AKAP6: variants seen among roughly 807,000 people sequenced by gnomAD.
AKAP6 encodes the protein A-kinase anchoring protein 6, also known as A-kinase anchor protein 6.
AKAP6 carries 58 observed loss-of-function variants against 188.5 expected under a neutral mutation model. The ratio of observed to expected loss-of-function variants is 0.31; its 90% confidence interval spans 0.25 to 0.38. The LOEUF (loss-of-function observed/expected upper bound fraction) is 0.38, where lower values mean the gene tolerates loss of function less well. Among genes scored for constraint, AKAP6 ranks in the 10% least tolerant of loss-of-function variants. AKAP6 has a pLI of 1.00. For synonymous variants in AKAP6, 989 were observed against 998.6 expected (o/e 0.99, Z 0.18); for missense variants, 2,710 against 2,740.0 (o/e 0.99, Z 0.24).
chr14:32,769,961 G>A lies in AKAP6; in HGVS notation c.3373-3717G>A, dbSNP rs1399162854. Among the ~76,000 whole-genome samples, 4 of 152,078 alleles carry A rather than the reference G, an allele frequency of 2.6e-5. No individual in the cohort carries two copies. In the East Asian group the frequency reaches 5.8e-4, roughly 22 times the overall value. On this transcript the variant is annotated intron_variant, in intron 11 of 13. Transcript: ENST00000280979. ...TATATGCACATATTTGATATATAAT[G>A]AAGACTAAATACCAGTATTGAAAGT...
chr14:32,421,100 T>C (rs1488662164), intron 1 of AKAP6, among the ~76,000 whole-genome samples: 7 of 152,176 alleles, frequency 4.6e-5, no homozygotes. Context: ...ATCTGATTTA[T>C]CATCCTTTGT....
chr14:32,381,343 TA>T (rs565596578), intron 1 of AKAP6, among the ~76,000 whole-genome samples: 153 of 145,822 alleles, frequency 1.0e-3, no homozygotes, highest in Middle Eastern at 3.5e-3. Flanking sequence ...CCATCTCAAA[TA>T]AAAAAAAAAA....
At chr14:32,741,152 T>C (rs2031657496) in intron 11 of AKAP6, among the ~76,000 whole-genome samples, 1 of 151,946 alleles carries the variant, frequency 6.6e-6, no homozygotes, top group African/African-American at 2.4e-5. Flanking sequence ...ATGGTATCAC[T>C]TTTATTAATC....
chr14:32,791,574 T>C (rs1222702957), intron 12 of AKAP6, among the ~76,000 whole-genome samples: 1 of 152,172 alleles, frequency 6.6e-6, no homozygotes, highest in East Asian at 1.9e-4. Context: ...GTAGGTTGCC[T>C]GTTCACTCTG....
intron 8 of AKAP6, among the ~76,000 whole-genome samples, chr14:32,685,528 T>C (rs965539873): frequency 7.9e-5 from 12 of 151,534 alleles, no homozygotes; most frequent in Non-Finnish European, 1.6e-4. Context: ...ATCGAGACCA[T>C]CCTGGCCAAC....
intron 9 of AKAP6, among the ~76,000 whole-genome samples, chr14:32,708,544 A>G (rs1890908458): frequency 6.6e-6 from 1 of 152,090 alleles, no homozygotes; most frequent in Admixed American, 6.6e-5. Flanking sequence ...GAGGGCTGAA[A>G]CACTTTTGAA....
At chr14:32,534,941 T>A (rs1392830202) in intron 2 of AKAP6, among the ~76,000 whole-genome samples, 1 of 142,176 alleles carries the variant, frequency 7.0e-6, no homozygotes, top group Admixed American at 7.5e-5. Context: ...TTCCAGCCTA[T>A]GTGACAAGAG....
At position 32,345,453 on chromosome 14, in the gene AKAP6, C is replaced by G. The variant is rs7149448; in HGVS notation, c.-35+16045C>G. On this transcript the variant is annotated intron_variant, in intron 1 of 13. Transcript: ENST00000280979. ...CTTTAGGCTGTCAGCTGTGATGTAG[C>G]CAGTAGCATCTGAGCTTGAATTATC... 0.019 allele frequency among the ~76,000 whole-genome samples: 2,952 copies of G among 152,280 alleles called. 302 individuals carry two copies. The East Asian group carries it at 0.33, about 17-fold the overall frequency.
At chr14:32,486,740 T>C (rs1012619804) in intron 2 of AKAP6, among the ~76,000 whole-genome samples, 1 of 152,202 alleles carries the variant, frequency 6.6e-6, no homozygotes, top group Non-Finnish European at 1.5e-5. Context: ...GTTTTCTAAA[T>C]ATACAAACAT....
intron 4 of AKAP6, among the ~76,000 whole-genome samples, chr14:32,559,016 A>G (rs1883812394): frequency 6.6e-6 from 1 of 152,228 alleles, no homozygotes; most frequent in South Asian, 2.1e-4. Context: ...TGTTAGAGGA[A>G]GGTGAATGTG....
intron 5 of AKAP6, among the ~76,000 whole-genome samples, chr14:32,593,994 T>C (rs549262297): frequency 3.9e-5 from 6 of 152,326 alleles, no homozygotes; most frequent in South Asian, 2.1e-4. Context: ...CAAAGTACCA[T>C]CTATTACGTA....
chr14:32,644,752 C>T (rs1166815745), intron 7 of AKAP6, among the ~76,000 whole-genome samples: 5 of 152,036 alleles, frequency 3.3e-5, no homozygotes. Context: ...ACTGAAATGT[C>T]TGCATTTCTC....
intron 2 of AKAP6, among the ~76,000 whole-genome samples, chr14:32,500,509 A>G (rs1880557459): frequency 1.3e-5 from 2 of 152,146 alleles, no homozygotes; most frequent in South Asian, 4.1e-4. Flanking sequence ...AGGAGGGCAC[A>G]CTTACTATAT....
chr14:32,759,498 T>C (rs2032463387), intron 11 of AKAP6, among the ~76,000 whole-genome samples: 1 of 152,180 alleles, frequency 6.6e-6, no homozygotes, highest in Admixed American at 6.5e-5. Context: ...AAAGAGCCAA[T>C]GAGTGTCTGT....
Position 32,436,521 on chromosome 14 carries a change from G to A in AKAP6, c.324+2704G>A, listed in dbSNP as rs142160559. ...CTCTCTTCTCTCCAACACTACTGCTGCCATCCTAGTCAAGCCACATCACTG... is the reference window on the plus strand; with the variant it reads ...CTCTCTTCTCTCCAACACTACTGCTACCATCCTAGTCAAGCCACATCACTG... On this transcript the variant is annotated intron_variant, in intron 2 of 13. Coordinates refer to ENST00000280979, the MANE Select transcript of AKAP6 (RefSeq NM_004274.5). 1.7e-3 allele frequency among the ~76,000 whole-genome samples: 253 copies of A among 152,274 alleles called. 1 individual carries two copies. The highest frequency in any genetic ancestry group is 5.9e-3 in the African/African-American group (244 of 41,548).
At chr14:32,567,824 C>G (rs973732295) in intron 4 of AKAP6, among the ~76,000 whole-genome samples, 2 of 152,074 alleles carry the variant, frequency 1.3e-5, no homozygotes, top group Admixed American at 1.3e-4. Context: ...GCCCTTTTCA[C>G]TAAAACTTTA....
chr14:32,546,179 G>A lies in AKAP6; in HGVS notation c.1526G>A (p.Arg509Gln), dbSNP rs775238509. ...ACCTCAGAAGAGGTGCCTCCATGCC[G>A]AACACCTAAACGGGGGACTGGTTCA... ...HKTSEEVPPC[R>Q]TPKRGTGSGK... The change falls in exon 4 of 14, where the codon CGA becomes CAA. Residue 509 changes from arginine (R) to glutamine (Q), a missense_variant. By Grantham distance (43) the Arg-to-Gln change is conservative (BLOSUM62 1). Around this residue, in one of 2 missense-constraint regions of AKAP6, gnomAD observed 2,473 missense variants for 2,426.1 expected, o/e 1.02. Transcript: ENST00000280979. 32 of 1,613,876 alleles carry A rather than the reference G, an allele frequency of 2.0e-5. No homozygotes were observed. The highest frequency in any genetic ancestry group is 3.3e-4 in the Middle Eastern group (2 of 6,078).
chr14:32,701,328 CCCAATGTTATATTTTGAGT>C (rs1438537211), intron 9 of AKAP6, among the ~76,000 whole-genome samples: 3 of 152,052 alleles, frequency 2.0e-5, no homozygotes, highest in Non-Finnish European at 4.4e-5. Context: ...AAAACATGAT[CCCAATGTTATATTTTGAGT>C]TTCCTGGTAG....
At chr14:32,336,644 A>C (rs565486285) in intron 1 of AKAP6, among the ~76,000 whole-genome samples, 3 of 152,292 alleles carry the variant, frequency 2.0e-5, no homozygotes, top group African/African-American at 7.2e-5. Context: ...AGCTCCAAGC[A>C]TATCTGTGGA....
Sources: allele counts gnomAD v4.1 joint callset (sites outside exome capture counted in the v4.1 genomes callset), GRCh38; gene constraint gnomAD v4.1.1; regional missense constraint gnomAD v4.1.1; transcripts MANE v1.5; gene names NCBI Gene and HGNC (gene_info 2026-07-23, HGNC 2026-07-21).